The following LSAMP variants were observed in gnomAD, a reference collection of about 807,000 sequenced individuals.
LSAMP encodes the protein limbic system-associated membrane protein.
LSAMP carries 7 observed loss-of-function variants against 38.6 expected under a neutral mutation model. The ratio of observed to expected loss-of-function variants is 0.18; its 90% CI spans 0.10 to 0.34. LSAMP has a LOEUF of 0.34. Among genes scored for constraint, LSAMP ranks in the 10% least tolerant of loss-of-function variants. LSAMP has a pLI of 1.00. For synonymous variants in LSAMP, 154 were observed against 166.8 expected (o/e 0.92, Z 0.59); for missense variants, 313 against 420.0 (o/e 0.75, Z 2.23).
intron 3 of LSAMP, among the ~76,000 whole-genome samples, chr3:115,944,564 T>C (rs1938033465): frequency 6.6e-6 from 1 of 152,208 alleles, no homozygotes; most frequent in Non-Finnish European, 1.5e-5. Context: ...CTACCATTTA[T>C]GCAGTAAGTG....
intron 1 of LSAMP, among the ~76,000 whole-genome samples, chr3:116,173,637 T>G (rs1174963785): frequency 6.6e-6 from 1 of 152,056 alleles, no homozygotes; most frequent in East Asian, 1.9e-4. Context: ...GCTTTGGCAT[T>G]AAATATTTTG....
intron 1 of LSAMP, among the ~76,000 whole-genome samples, chr3:116,264,736 G>T (rs6438310): frequency 0.74 from 111,824 of 152,008 alleles, 42,466 homozygotes; most frequent in Non-Finnish European, 0.84. Context: ...CCAGTAGCTG[G>T]GACTAATGGT....
chr3:116,408,064 A>G (rs2048921425), intron 1 of LSAMP, among the ~76,000 whole-genome samples: 1 of 152,120 alleles, frequency 6.6e-6, no homozygotes, highest in Admixed American at 6.6e-5. Context: ...AATAAAATAA[A>G]TAGGGACAAA....
intron 1 of LSAMP, among the ~76,000 whole-genome samples, chr3:116,304,969 T>A (rs1464694604): frequency 1.3e-5 from 2 of 152,078 alleles, no homozygotes; most frequent in Non-Finnish European, 2.9e-5. Context: ...GAATCCAGAA[T>A]GAAAAGGGAG....
chr3:116,213,075 T>C (rs2046180502), intron 1 of LSAMP, among the ~76,000 whole-genome samples: 2 of 152,222 alleles, frequency 1.3e-5, no homozygotes, highest in African/African-American at 4.8e-5. Flanking sequence ...AATTTTGCTC[T>C]TATAATATTT....
intron 1 of LSAMP, among the ~76,000 whole-genome samples, chr3:116,310,485 AC>A (rs1283435275): frequency 6.6e-6 from 1 of 152,188 alleles, no homozygotes; most frequent in African/African-American, 2.4e-5. Flanking sequence ...GGCACAGGCA[AC>A]CTTTACCTAC....
chr3:115,924,026 T>C (rs1187239717), intron 3 of LSAMP, among the ~76,000 whole-genome samples: 1 of 152,172 alleles, frequency 6.6e-6, no homozygotes, highest in Non-Finnish European at 1.5e-5. Flanking sequence ...ATAAAGGGCT[T>C]ATTAAATGTT....
intron 1 of LSAMP, among the ~76,000 whole-genome samples, chr3:116,230,619 C>G (rs746388423): frequency 2.6e-5 from 4 of 152,110 alleles, no homozygotes; most frequent in Non-Finnish European, 5.9e-5. Context: ...AGTGTGAAGA[C>G]AGCTTTCATA....
intron 3 of LSAMP, among the ~76,000 whole-genome samples, chr3:115,980,148 T>G (rs563029907): frequency 3.9e-5 from 6 of 152,270 alleles, no homozygotes; most frequent in African/African-American, 1.2e-4. Context: ...AGAAGATATT[T>G]TAACATTCAT....
At chr3:116,435,875 A>G (rs1324340887) in intron 1 of LSAMP, among the ~76,000 whole-genome samples, 1 of 152,204 alleles carries the variant, frequency 6.6e-6, no homozygotes, top group Admixed American at 6.5e-5. Context: ...AAGTTCATAA[A>G]TAACAATAAG....
intron 1 of LSAMP, among the ~76,000 whole-genome samples, chr3:116,351,341 T>A (rs1397777113): frequency 6.6e-6 from 1 of 151,936 alleles, no homozygotes; most frequent in Non-Finnish European, 1.5e-5. Context: ...AAGCTAGACA[T>A]GTGAAGGGAG....
At chr3:116,271,210 A>G (rs2046967737) in intron 1 of LSAMP, among the ~76,000 whole-genome samples, 1 of 152,102 alleles carries the variant, frequency 6.6e-6, no homozygotes, top group Admixed American at 6.6e-5. Context: ...AATACAAGGT[A>G]TCATGCTACC....
At chr3:116,193,007 A>G (rs1710789901) in intron 1 of LSAMP, among the ~76,000 whole-genome samples, 1 of 152,146 alleles carries the variant, frequency 6.6e-6, no homozygotes. Context: ...GAACAACTCC[A>G]CGGTAGATGA....
intron 1 of LSAMP, among the ~76,000 whole-genome samples, chr3:116,420,951 A>G (rs2049114439): frequency 6.6e-6 from 1 of 152,218 alleles, no homozygotes; most frequent in Non-Finnish European, 1.5e-5. Flanking sequence ...CTTTTCAACA[A>G]GTGGTGCTGG....
chr3:116,156,673 TA>T (rs1277544325), intron 1 of LSAMP, among the ~76,000 whole-genome samples: 4 of 152,080 alleles, frequency 2.6e-5, no homozygotes, highest in African/African-American at 9.7e-5. Flanking sequence ...TGCTACATTT[TA>T]AAAAGATGCA....
At chr3:115,978,723 A>C (rs913960105) in intron 3 of LSAMP, among the ~76,000 whole-genome samples, 1 of 152,144 alleles carries the variant, frequency 6.6e-6, no homozygotes, top group Admixed American at 6.6e-5. Context: ...GTTGGCAGAA[A>C]TGATAAAATG....
intron 1 of LSAMP, among the ~76,000 whole-genome samples, chr3:116,275,796 A>G (rs186135833): frequency 1.7e-4 from 26 of 152,252 alleles, no homozygotes; most frequent in Admixed American, 1.4e-3. Context: ...TCTTCTCCCA[A>G]TTTGAGACCT....
chr3:116,393,614 G>A (rs2048730913), intron 1 of LSAMP, among the ~76,000 whole-genome samples: 1 of 152,088 alleles, frequency 6.6e-6, no homozygotes, highest in African/African-American at 2.4e-5. Context: ...AAAAACTCAG[G>A]CAAAGACACC....
intron 3 of LSAMP, among the ~76,000 whole-genome samples, chr3:115,990,110 C>A (rs1374845940): frequency 6.6e-6 from 1 of 152,146 alleles, no homozygotes; most frequent in East Asian, 1.9e-4. Context: ...CTTAACCAGC[C>A]TCCACACACA....
Sources: gnomAD v4.1 joint callset for allele counts (sites outside exome capture counted in the v4.1 genomes callset) on GRCh38, gnomAD v4.1.1 for gene constraint, MANE v1.5 for transcripts, NCBI Gene and HGNC (gene_info 2026-07-23, HGNC 2026-07-21) for gene names.